Variants in KLHL32 observed in about 807,000 individuals in gnomAD.
KLHL32 encodes kelch-like protein 32.
Under a neutral mutation model 64.8 loss-of-function variants are expected in KLHL32, and 35 were observed. The ratio of observed to expected loss-of-function variants is 0.54; its 90% CI spans 0.41 to 0.72. The LOEUF (loss-of-function observed/expected upper bound fraction) is 0.72, where lower values mean the gene tolerates loss of function less well. Among genes scored for constraint, KLHL32 ranks in the 30% least tolerant of loss-of-function variants. The pLI is 0.00. For missense variants in KLHL32, 589 were observed against 768.5 expected (o/e 0.77, Z 2.76); for synonymous variants, 259 against 281.0 (o/e 0.92, Z 0.78).
intron 2 of KLHL32, among the ~76,000 whole-genome samples, chr6:96,968,304 A>G (rs1291232850): frequency 2.0e-5 from 3 of 152,154 alleles, no homozygotes; most frequent in Non-Finnish European, 4.4e-5. Flanking sequence ...TCTACTGGGT[A>G]GAGGCCAGGA....
chr6:97,011,201 T>A (rs1236689701), intron 3 of KLHL32, among the ~76,000 whole-genome samples: 1 of 152,198 alleles, frequency 6.6e-6, no homozygotes. Context: ...GGTTAGCACT[T>A]GAGGTCATTT....
At chr6:96,960,746 C>T (rs971908750) in intron 1 of KLHL32, among the ~76,000 whole-genome samples, 10 of 152,186 alleles carry the variant, frequency 6.6e-5, no homozygotes, top group African/African-American at 2.2e-4. Context: ...AGACATAAGG[C>T]ATCAGTCAAT....
At chr6:96,995,489 T>C (rs2128070124) in intron 3 of KLHL32, among the ~76,000 whole-genome samples, 2 of 152,336 alleles carry the variant, frequency 1.3e-5, no homozygotes, top group Non-Finnish European at 2.9e-5. Context: ...CCTGCTAAGG[T>C]ATTCCTGAGC....
intron 4 of KLHL32, among the ~76,000 whole-genome samples, chr6:97,041,947 TAAAAA>T (rs966405106): frequency 6.6e-6 from 1 of 152,136 alleles, no homozygotes; most frequent in African/African-American, 2.4e-5. Context: ...TTTATTGCCT[TAAAAA>T]CAAGACAAAA....
chr6:97,053,019 C>T (rs1275480243), intron 4 of KLHL32, among the ~76,000 whole-genome samples: 1 of 151,910 alleles, frequency 6.6e-6, no homozygotes, highest in East Asian at 1.9e-4. Flanking sequence ...ATTTCTTTTT[C>T]AGTTTTGATG....
rs535898011 is a variant in KLHL32, at chr6:97,008,884, C to G, written c.205-32608C>G. On this transcript the variant is annotated intron_variant, in intron 3 of 10. Transcript: ENST00000369261. ...CCCTGTCTCTTGATGGGAGATGTTC[C>G]TCCTGGCTGTGCTTAGCCGGCCGTC... Among the ~76,000 whole-genome samples, 1,463 of 151,868 alleles carry G rather than the reference C, an allele frequency of 9.6e-3. 16 individuals carry two copies. The highest frequency in any genetic ancestry group is 0.015 in the Non-Finnish European group (1,041 of 67,930).
At chr6:97,136,734 C>G (rs1800064921) in intron 10 of KLHL32, among the ~76,000 whole-genome samples, 1 of 152,202 alleles carries the variant, frequency 6.6e-6, no homozygotes, top group African/African-American at 2.4e-5. Flanking sequence ...CTTCTTTCAG[C>G]CAGTTTACAG....
At chr6:96,966,494 A>C (rs576098185) in intron 1 of KLHL32, among the ~76,000 whole-genome samples, 42 of 152,240 alleles carry the variant, frequency 2.8e-4, no homozygotes, top group African/African-American at 2.4e-4. Flanking sequence ...TTCTCTCTCT[A>C]TGTTATTTTT....
intron 4 of KLHL32, chr6:97,062,188 T>G (rs1789021295): frequency 6.7e-6 from 1 of 150,252 alleles, no homozygotes; most frequent in Admixed American, 6.6e-5. Flanking sequence ...TCATCTTGTC[T>G]CTCTGTGATC....
chr6:96,981,812 G>A (rs532000836), intron 3 of KLHL32, among the ~76,000 whole-genome samples: 7 of 152,098 alleles, frequency 4.6e-5, no homozygotes, highest in South Asian at 4.2e-4. Flanking sequence ...TTGTTTACCC[G>A]AAAATCATTC....
chr6:96,907,815 C>T, the KLHL32 span, among the ~76,000 whole-genome samples: 1 of 152,206 alleles, frequency 6.6e-6, no homozygotes, highest in Non-Finnish European at 1.5e-5. Flanking sequence ...AGCTTCCCAT[C>T]CCTGCTCCTT....
intron 1 of KLHL32, among the ~76,000 whole-genome samples, chr6:96,933,916 T>C (rs767530683): frequency 6.6e-6 from 1 of 152,182 alleles, no homozygotes; most frequent in Non-Finnish European, 1.5e-5. Flanking sequence ...CAAAAGCAGG[T>C]GGAATCAGTT....
the KLHL32 span, among the ~76,000 whole-genome samples, chr6:96,909,995 T>A: frequency 6.6e-6 from 1 of 152,220 alleles, no homozygotes; most frequent in Non-Finnish European, 1.5e-5. Flanking sequence ...AGGAAGACTG[T>A]CATGCATTCA....
chr6:97,090,913 CT>C (rs1794128089), intron 6 of KLHL32, among the ~76,000 whole-genome samples: 1 of 152,220 alleles, frequency 6.6e-6, no homozygotes, highest in Non-Finnish European at 1.5e-5. Context: ...AATCCTATGA[CT>C]TTAACAGGAA....
chr6:96,997,938 G>T (rs1412018945), intron 3 of KLHL32, among the ~76,000 whole-genome samples: 3 of 152,098 alleles, frequency 2.0e-5, no homozygotes, highest in African/African-American at 7.2e-5. Flanking sequence ...TTCCTATTTG[G>T]TTGCTTTGTA....
chr6:96,961,159 G>A (rs1316157893), intron 1 of KLHL32, among the ~76,000 whole-genome samples: 1 of 152,140 alleles, frequency 6.6e-6, no homozygotes, highest in Non-Finnish European at 1.5e-5. Flanking sequence ...TTCTTTATCT[G>A]CCATGTGATA....
intron 1 of KLHL32, among the ~76,000 whole-genome samples, chr6:96,938,098 C>T (rs1466439146): frequency 6.6e-6 from 1 of 152,076 alleles, no homozygotes; most frequent in Admixed American, 6.5e-5. Context: ...AACAGAAAAA[C>T]CCTTAAAGCC....
intron 3 of KLHL32, among the ~76,000 whole-genome samples, chr6:96,987,520 A>G (rs1392789419): frequency 1.3e-5 from 2 of 152,230 alleles, no homozygotes; most frequent in African/African-American, 4.8e-5. Flanking sequence ...GAAAATGGCC[A>G]TACTGCCTGA....
intron 3 of KLHL32, among the ~76,000 whole-genome samples, chr6:97,028,673 T>C (rs999941311): frequency 2.0e-5 from 3 of 152,206 alleles, no homozygotes; most frequent in Non-Finnish European, 4.4e-5. Context: ...ATGTCTCAGT[T>C]GGGGTGTCCT....
Sources: gnomAD v4.1 joint callset for allele counts (sites outside exome capture counted in the v4.1 genomes callset) on GRCh38, gnomAD v4.1.1 for gene constraint, MANE v1.5 for transcripts, NCBI Gene and HGNC (gene_info 2026-07-23, HGNC 2026-07-21) for gene names.